The following RAD18 variants were observed in gnomAD, a reference collection of about 807,000 sequenced individuals.
RAD18 encodes RAD18 E3 ubiquitin protein ligase, also known as E3 ubiquitin-protein ligase RAD18.
Under a neutral mutation model 60.4 loss-of-function variants are expected in RAD18, and 47 were observed. The ratio of observed to expected loss-of-function variants is 0.78; its 90% CI spans 0.62 to 0.99. The LOEUF (loss-of-function observed/expected upper bound fraction) is 0.99. Among genes scored for constraint, RAD18 ranks in the 50% least tolerant of loss-of-function variants. The pLI is 0.00. For missense variants in RAD18, 640 were observed against 593.3 expected, an observed-to-expected ratio of 1.08 and a Z score of -0.82; for synonymous variants, 225 against 195.5, an observed-to-expected ratio of 1.15 and a Z score of -1.26.
intron 7 of RAD18, among the ~76,000 whole-genome samples, chr3:8,919,718 T>C (rs1940280488): frequency 6.6e-6 from 1 of 152,240 alleles, no homozygotes; most frequent in Non-Finnish European, 1.5e-5. Context: ...AGCCATATCT[T>C]GGTTTCACCA....
chr3:8,916,867 G>A (rs1198944989), intron 7 of RAD18, among the ~76,000 whole-genome samples: 1 of 151,924 alleles, frequency 6.6e-6, no homozygotes, highest in Non-Finnish European at 1.5e-5. Context: ...ACAATATCAA[G>A]AAATATACAC....
chr3:8,884,763 CG>C (rs1366292833), intron 12 of RAD18, among the ~76,000 whole-genome samples: 6 of 152,160 alleles, frequency 3.9e-5, no homozygotes, highest in Non-Finnish European at 7.3e-5. Context: ...AGGATCTCAG[CG>C]GTTCTCCCAG....
chr3:8,899,180 T>C, intron 10 of RAD18, 133 bp from the exon 11 acceptor site: 2 of 604,828 alleles, frequency 3.3e-6, no homozygotes, highest in Non-Finnish European at 5.3e-6. Context: ...AGAACTCTAG[T>C]GACAGCCAGA....
intron 7 of RAD18, 77 bp downstream of exon 7, chr3:8,935,794 T>C: frequency 3.9e-6 from 5 of 1,269,300 alleles, no homozygotes; most frequent in Non-Finnish European, 5.3e-6. Flanking sequence ...AATATTTTTC[T>C]ATGGTTTATA....
chr3:8,923,495 A>G (rs566315368), intron 7 of RAD18, among the ~76,000 whole-genome samples: 92 of 152,248 alleles, frequency 6.0e-4, no homozygotes, highest in African/African-American at 2.1e-3. Context: ...ACTCTGCAGG[A>G]TATTATCCAG....
intron 4 of RAD18, among the ~76,000 whole-genome samples, chr3:8,944,672 GAGGA>G (rs1238558424): frequency 7.3e-4 from 103 of 140,684 alleles, no homozygotes; most frequent in African/African-American, 2.6e-3. Context: ...GGGAGGGAGG[GAGGA>G]AGGAAGGAAG....
chr3:8,911,714 G>A (rs1940108334), intron 9 of RAD18, among the ~76,000 whole-genome samples: 1 of 152,096 alleles, frequency 6.6e-6, no homozygotes, highest in African/African-American at 2.4e-5. Context: ...ACCATGCCTG[G>A]GAATACTGAT....
chr3:8,910,382 C>A (rs1471863660), intron 9 of RAD18, among the ~76,000 whole-genome samples: 1 of 151,978 alleles, frequency 6.6e-6, no homozygotes, highest in Admixed American at 6.6e-5. Flanking sequence ...GGGCGGATCA[C>A]GAGGTCAGGA....
intron 7 of RAD18, among the ~76,000 whole-genome samples, chr3:8,933,516 A>G (rs408483): frequency 0.7 from 107,181 of 152,150 alleles, 38,203 homozygotes; most frequent in Middle Eastern, 0.78. Flanking sequence ...AAGCCATTGG[A>G]TATAAGGAAA....
At chr3:8,922,262 C>G (rs1047685100) in intron 7 of RAD18, among the ~76,000 whole-genome samples, 3 of 152,236 alleles carry the variant, frequency 2.0e-5, no homozygotes, top group Non-Finnish European at 2.9e-5. Flanking sequence ...CTCCAACGGT[C>G]TTAGCAAACA....
At chr3:8,925,333 C>T (rs1433621757) in intron 7 of RAD18, among the ~76,000 whole-genome samples, 1 of 152,136 alleles carries the variant, frequency 6.6e-6, no homozygotes, top group Non-Finnish European at 1.5e-5. Flanking sequence ...AATTCCTCGA[C>T]ACATACACAC....
chr3:8,900,734 G>A (rs1939894956), intron 10 of RAD18, among the ~76,000 whole-genome samples: 1 of 152,272 alleles, frequency 6.6e-6, no homozygotes, highest in Admixed American at 6.5e-5. Context: ...TATATTGGTT[G>A]TATGATGCTA....
chr3:8,897,797 G>A (rs771715467), intron 11 of RAD18, among the ~76,000 whole-genome samples: 2 of 152,168 alleles, frequency 1.3e-5, no homozygotes, highest in Non-Finnish European at 2.9e-5. Flanking sequence ...CAGGTACGGT[G>A]GCTCATGCCT....
At chr3:8,950,702 A>C (rs1332573875) in intron 2 of RAD18, among the ~76,000 whole-genome samples, 2 of 152,258 alleles carry the variant, frequency 1.3e-5, no homozygotes, top group African/African-American at 4.8e-5. Context: ...CCAAAGTCAG[A>C]TATACCAGAA....
At chr3:8,942,197 G>A (rs1406707923) in intron 4 of RAD18, among the ~76,000 whole-genome samples, 1 of 152,154 alleles carries the variant, frequency 6.6e-6, no homozygotes, top group Non-Finnish European at 1.5e-5. Flanking sequence ...GATCATGAGG[G>A]CGAATTTCTC....
At chr3:8,887,040 G>T (rs542647297) in intron 12 of RAD18, among the ~76,000 whole-genome samples, 118 of 152,346 alleles carry the variant, frequency 7.7e-4, no homozygotes, top group African/African-American at 2.8e-3. Flanking sequence ...CTAGACAGTG[G>T]TTGCTGCAAG....
intron 7 of RAD18, among the ~76,000 whole-genome samples, chr3:8,917,650 T>C (rs1940230315): frequency 6.6e-6 from 1 of 151,020 alleles, no homozygotes; most frequent in Non-Finnish European, 1.5e-5. Context: ...GGTAAAGTAA[T>C]AAGACAATAA....
Position 8,939,627 on chromosome 3 carries a change from T to C in RAD18, c.631A>G (p.Ile211Val), listed in dbSNP as rs1940712367. The C allele has an allele frequency of 1.9e-6, 3 of 1,612,762 alleles. No individual in the cohort carries two copies. Among genetic ancestry groups the C allele is most frequent in the Non-Finnish European group, 2.5e-6 (3 of 1,179,118 alleles). Residue 211 changes from isoleucine to valine, a missense_variant, in exon 6 of 13, where the codon ATT becomes GTT. Ile to Val is a conservative substitution (Grantham distance 29). Coordinates refer to ENST00000264926, the MANE Select transcript of RAD18 (RefSeq NM_020165.4). Reference protein sequence around the residue: ...KVDCPVCGVNIPESHINKHLD... With the variant: ...KVDCPVCGVNVPESHINKHLD... ...TGCTTATTAATGTGACTTTCTGGAA[T>C]GTTAACCCCGCAAACAGGACAATCC...
intron 4 of RAD18, among the ~76,000 whole-genome samples, chr3:8,943,439 T>C (rs950985613): frequency 6.6e-6 from 1 of 152,000 alleles, no homozygotes; most frequent in African/African-American, 2.4e-5. Context: ...CATATCTAAA[T>C]TGGATGAGTA....
Sources: gnomAD v4.1 joint callset for allele counts (sites outside exome capture counted in the v4.1 genomes callset) on GRCh38, gnomAD v4.1.1 for gene constraint, MANE v1.5 for transcripts, NCBI Gene and HGNC (gene_info 2026-07-23, HGNC 2026-07-21) for gene names.